Variants in CYP24A1 observed in about 807,000 individuals in gnomAD.
CYP24A1 encodes the protein cytochrome P450 family 24 subfamily A member 1, also known as 1,25-dihydroxyvitamin D(3) 24-hydroxylase, mitochondrial.
In CYP24A1, 68 loss-of-function variants were observed where a neutral mutation model predicts 62.4. The ratio of observed to expected loss-of-function variants is 1.09; its 90% CI spans 0.90 to 1.33. The LOEUF is 1.33. Among genes scored for constraint, CYP24A1 ranks in the 40% most tolerant of loss-of-function variants. The pLI, the probability that CYP24A1 is intolerant of heterozygous loss-of-function variation, is 0.00. For missense variants in CYP24A1, 787 were observed against 653.0 expected, an observed-to-expected ratio of 1.21 and a Z score of -2.24; for synonymous variants, 267 against 253.0, an observed-to-expected ratio of 1.06 and a Z score of -0.52.
At chr20:54,159,461 C>T (rs2092642381) in intron 7 of CYP24A1, among the ~76,000 whole-genome samples, 1 of 146,698 alleles carries the variant, frequency 6.8e-6, no homozygotes, top group Admixed American at 6.9e-5. Context: ...GTGGCACTAT[C>T]TCGGCTCACT....
At position 54,162,845 on chromosome 20, in the gene CYP24A1, T is replaced by G; in HGVS notation, c.862A>C (p.Asn288His). 6.4e-7 allele frequency: 1 copy of G among 1,573,388 alleles called. No individual in the cohort carries two copies. The highest frequency in any genetic ancestry group is 8.7e-7 in the Non-Finnish European group (1 of 1,143,152). ...TGCTGAGAATACTTCTCTAACCGGT[T>G]GTCGATACAAGCTTTGACTATTAGA... The part of the protein sequence containing the change: ...IFKSVKACID[N>H]RLEKYSQQPS... Residue 288 changes from asparagine (N) to histidine (H), a missense_variant, in exon 7 of 12, where the codon AAC becomes CAC. By Grantham distance (68) the Asn-to-His change is moderately conservative. Coordinates refer to ENST00000216862, the MANE Select transcript of CYP24A1 (RefSeq NM_000782.5).
chr20:54,165,790 C>T lies in CYP24A1; in HGVS notation c.684G>A (p.Gln228=), dbSNP rs1568971314. Residue 228 remains glutamine, a synonymous_variant, in exon 5 of 12, where the codon CAG becomes CAA. Transcript: ENST00000216862. ...TCACAGCTTCATCCCCTGCATTCTT[C>T]TGGAGAAGCCCAAATCTCTTCTCAT... is the stretch of plus-strand genomic sequence containing the variant. ...VLYEKRFGLL[Q]KNAGDEAVNF... The T allele has an allele frequency of 6.5e-7, 1 of 1,537,696 alleles. No individual in the cohort carries two copies. The highest frequency in any genetic ancestry group is 1.7e-5 in the Admixed American group (1 of 59,918).
Position 54,162,753 on chromosome 20 carries a change from A to C in CYP24A1, c.954T>G (p.Ala318=). Residue 318 remains alanine (A), a synonymous_variant, in exon 7 of 12, where the codon GCT becomes GCG. Coordinates refer to ENST00000216862, the MANE Select transcript of CYP24A1 (RefSeq NM_000782.5). ...CAGCCAGCTGGAGCTCTGTGACAGCAGCATACAATTCTTTCTTTGAAAGCC... is the reference window on the plus strand; with the variant it reads ...CAGCCAGCTGGAGCTCTGTGACAGCCGCATACAATTCTTTCTTTGAAAGCC... ...QNRLSKKELY[A]AVTELQLAAV... is the part of the protein sequence containing the mutation. 2 of 1,599,330 alleles carry C rather than the reference A, an allele frequency of 1.3e-6. No individual in the cohort carries two copies. The highest frequency in any genetic ancestry group is 2.2e-5 in the South Asian group (2 of 90,792).
Position 54,161,333 on chromosome 20 carries a change from T to C in CYP24A1, c.990+1384A>G, listed in dbSNP as rs143599180. Among the ~76,000 whole-genome samples the C allele has an allele frequency of 6.7e-3, 1,022 of 152,138 alleles. 9 individuals are homozygous for C. Among genetic ancestry groups the C allele is most frequent in the African/African-American group, 0.023 (974 of 41,482 alleles). On this transcript the variant is annotated intron_variant, in intron 7 of 11. Transcript: ENST00000216862. ...CTCAGAGAGGGCTTCCCTTTAATCATCTCCATCTCTCTATATTACACCATC... is the reference window on the plus strand; with the variant it reads ...CTCAGAGAGGGCTTCCCTTTAATCACCTCCATCTCTCTATATTACACCATC...
chr20:54,160,918 T>G (rs1329999873), intron 7 of CYP24A1, among the ~76,000 whole-genome samples: 1 of 152,238 alleles, frequency 6.6e-6, no homozygotes, highest in East Asian at 1.9e-4. Flanking sequence ...TATCCTTGAT[T>G]GACCTCCATG....
chr20:54,148,446 A>G (rs906314300), downstream of CYP24A1, among the ~76,000 whole-genome samples: 7 of 151,430 alleles, frequency 4.6e-5, no homozygotes, highest in African/African-American at 1.7e-4. Context: ...GCCTAGAAGC[A>G]GTAACATCCC....
intron 4 of CYP24A1, among the ~76,000 whole-genome samples, chr20:54,169,324 G>A (rs1271536118): frequency 6.6e-6 from 1 of 152,174 alleles, no homozygotes; most frequent in Non-Finnish European, 1.5e-5. Flanking sequence ...GGGTACAGGG[G>A]TTATGCGTTT....
intron 6 of CYP24A1, among the ~76,000 whole-genome samples, 191 bp downstream of exon 6, chr20:54,164,261 T>C (rs1037596915): frequency 2.0e-5 from 3 of 152,194 alleles, no homozygotes; most frequent in Non-Finnish European, 4.4e-5. Context: ...CCACTCTTAA[T>C]TCCCAAAGAA....
chr20:54,162,096 C>G (rs2092652488), intron 7 of CYP24A1, among the ~76,000 whole-genome samples: 1 of 152,018 alleles, frequency 6.6e-6, no homozygotes, highest in Admixed American at 6.6e-5. Flanking sequence ...ACATCAGAGA[C>G]AGAATTTTGG....
At chr20:54,164,022 G>T (rs752722614) in intron 6 of CYP24A1, among the ~76,000 whole-genome samples, 1 of 152,004 alleles carries the variant, frequency 6.6e-6, no homozygotes, top group Non-Finnish European at 1.5e-5. Context: ...TGCAACCTCC[G>T]CCTCCCAGGT....
At chr20:54,169,240 A>G (rs1184275549) in intron 4 of CYP24A1, among the ~76,000 whole-genome samples, 1 of 150,848 alleles carries the variant, frequency 6.6e-6, no homozygotes, top group African/African-American at 2.4e-5. Context: ...CTTTTCCTTT[A>G]CTCCTTGGAA....
At chr20:54,158,875 C>G in intron 8 of CYP24A1, 82 bp downstream of exon 8, 1 of 1,608,538 alleles carries the variant, frequency 6.2e-7, no homozygotes, top group Non-Finnish European at 8.5e-7. Flanking sequence ...GGGAAGCCGC[C>G]CATGAGTAGG....
intron 7 of CYP24A1, 156 bp downstream of exon 7, chr20:54,162,561 A>G (rs536164224): frequency 1.9e-5 from 10 of 513,440 alleles, no homozygotes; most frequent in African/African-American, 1.7e-4. Context: ...CTGTGCGCGG[A>G]GGCACCGTGG....
At chr20:54,170,805 C>G (rs1311546175) in intron 3 of CYP24A1, among the ~76,000 whole-genome samples, 8 of 152,152 alleles carry the variant, frequency 5.3e-5, no homozygotes, top group Admixed American at 1.3e-4. Flanking sequence ...TCTGAGTTTG[C>G]AATCCTTCAC....
chr20:54,155,005 A>G (rs558526892), intron 11 of CYP24A1: 2 of 150,402 alleles, frequency 1.3e-5, no homozygotes, highest in South Asian at 2.2e-4. Context: ...ATTGTATATC[A>G]AAGAAGTGTA....
At chr20:54,152,549 C>T (rs142605173), downstream of CYP24A1, among the ~76,000 whole-genome samples, 6 of 152,248 alleles carry the variant, frequency 3.9e-5, no homozygotes, top group East Asian at 1.2e-3. Flanking sequence ...GCTGGGTGGA[C>T]GTAGATGGTG....
intron 4 of CYP24A1, among the ~76,000 whole-genome samples, chr20:54,168,846 T>TCTCC (rs1322230984): frequency 2.3e-5 from 1 of 43,436 alleles, no homozygotes; most frequent in East Asian, 8.0e-4. Context: ...CTCCCTCCCT[T>TCTCC]CTTCCTTCCT....
chr20:54,165,601 T>C, intron 5 of CYP24A1, 141 bp downstream of exon 5: 2 of 710,176 alleles, frequency 2.8e-6, no homozygotes, highest in Admixed American at 4.2e-5. Flanking sequence ...CTAAAATATA[T>C]AATGCACATT....
the CYP24A1 span, among the ~76,000 whole-genome samples, chr20:54,144,817 T>A: frequency 6.6e-6 from 1 of 151,956 alleles, no homozygotes; most frequent in South Asian, 2.1e-4. Flanking sequence ...ACTGATAATC[T>A]AAAAACTTTT....
Sources: allele counts gnomAD v4.1 joint callset (sites outside exome capture counted in the v4.1 genomes callset), GRCh38; gene constraint gnomAD v4.1.1; transcripts MANE v1.5; gene names NCBI Gene and HGNC (gene_info 2026-07-23, HGNC 2026-07-21).